AKR1A1: variants seen among roughly 807,000 people sequenced by gnomAD.
The protein encoded by AKR1A1 is aldo-keto reductase family 1 member A1.
In AKR1A1, 26 loss-of-function variants were observed where a neutral mutation model predicts 39.2. The observed-to-expected ratio is 0.66, with a 90% CI of 0.49 to 0.92. The LOEUF (loss-of-function observed/expected upper bound fraction) is 0.92. Among genes scored for constraint, AKR1A1 ranks in the 40% least tolerant of loss-of-function variants. The probability of loss-of-function intolerance (pLI) is 0.00; values close to 1 mark genes in which losing one functional copy is unlikely to be tolerated. For missense variants in AKR1A1, 378 were observed against 406.5 expected, an observed-to-expected ratio of 0.93 and a Z score of 0.60; for synonymous variants, 141 against 155.5, an observed-to-expected ratio of 0.91 and a Z score of 0.69.
chr1:45,564,637 T>C (rs1407084692), intron 2 of AKR1A1, among the ~76,000 whole-genome samples: 1 of 152,070 alleles, frequency 6.6e-6, no homozygotes, highest in Non-Finnish European at 1.5e-5. Flanking sequence ...CCAGAGTCTG[T>C]CTACACAACT....
chr1:45,561,712 T>G, intron 1 of AKR1A1, 77 bp from the exon 2 acceptor site: 1 of 1,444,870 alleles, frequency 6.9e-7, no homozygotes, highest in Non-Finnish European at 9.7e-7. Context: ...CGCTTTGCAG[T>G]ATTCTTGACA....
intron 2 of AKR1A1, among the ~76,000 whole-genome samples, chr1:45,562,546 G>C (rs1213514761): frequency 1.3e-5 from 2 of 149,204 alleles, no homozygotes; most frequent in African/African-American, 5.0e-5. Flanking sequence ...GTCTCACTCT[G>C]TTCCCCAGGC....
intron 1 of AKR1A1, among the ~76,000 whole-genome samples, chr1:45,551,759 A>T (rs1644134214): frequency 6.6e-6 from 1 of 152,222 alleles, no homozygotes; most frequent in Admixed American, 6.5e-5. Context: ...ATACAGGAGC[A>T]ATCTCAGTAT....
In AKR1A1 at chr1:45,568,654, A is replaced by G. The variant is rs1644377359; in HGVS notation, c.722A>G (p.Tyr241Cys). The G allele has an allele frequency of 4.3e-6, 7 of 1,613,732 alleles. No homozygotes were observed. Among genetic ancestry groups the G allele is most frequent in the Non-Finnish European group, 5.9e-6 (7 of 1,179,880 alleles). Residue 241 changes from tyrosine to cysteine, a missense_variant, in exon 6 of 9, where the codon TAT becomes TGT. By Grantham distance (194) the Tyr-to-Cys change is radical (BLOSUM62 -2). Coordinates refer to ENST00000351829, the MANE Select transcript of AKR1A1 (RefSeq NM_153326.3). Reference sequence around the variant, plus strand: ...GTAGTCCTGGCATTGGCTGAAAAGTATGGCCGATCTCCAGCTCAGATCTTG... The same window carrying G: ...GTAGTCCTGGCATTGGCTGAAAAGTGTGGCCGATCTCCAGCTCAGATCTTG... The part of the protein sequence containing the change: ...EPVVLALAEK[Y>C]GRSPAQILLR...
chr1:45,551,566 C>CA (rs1464269117), intron 1 of AKR1A1, among the ~76,000 whole-genome samples: 1 of 152,178 alleles, frequency 6.6e-6, no homozygotes, highest in Non-Finnish European at 1.5e-5. Flanking sequence ...CTTACTTAGA[C>CA]ACCTGCTTTG....
chr1:45,569,818 T>G, intron 8 of AKR1A1, 73 bp from the exon 9 acceptor site: 2 of 1,375,314 alleles, frequency 1.5e-6, no homozygotes, highest in South Asian at 2.3e-5. Flanking sequence ...TTAGGAAGAT[T>G]TGGGGAAGAT....
At position 45,569,189 on chromosome 1, in the gene AKR1A1, C is replaced by T; in HGVS notation, c.872C>T (p.Ala291Val). 6.2e-7 allele frequency: 1 copy of T among 1,614,118 alleles called. No homozygotes were observed. Among genetic ancestry groups the T allele is most frequent in the Non-Finnish European group, 8.5e-7 (1 of 1,180,000 alleles). ...FSPEEMKQLN[A>V]LNKNWRYIVP... ...CCAGAAGAGATGAAGCAGCTAAATG[C>T]CCTGAACAAAAATTGGAGATATATT... The change falls in exon 8 of 9, where the codon GCC becomes GTC. Residue 291 changes from alanine to valine, a missense_variant. Coordinates refer to ENST00000351829, the MANE Select transcript of AKR1A1 (RefSeq NM_153326.3).
chr1:45,564,396 T>G (rs1644314071), intron 2 of AKR1A1, among the ~76,000 whole-genome samples: 1 of 152,158 alleles, frequency 6.6e-6, no homozygotes, highest in African/African-American at 2.4e-5. Flanking sequence ...GCTTTGTGTC[T>G]AGGGCCGGGT....
rs147059021 is a variant in AKR1A1 at position 45,568,099 on chromosome 1, G to A, written c.474G>A (p.Ala158=). The A allele has an allele frequency of 8.9e-5, 143 of 1,614,086 alleles. No individual in the cohort carries two copies. The African/African-American group carries it at 1.4e-3, about 15-fold the overall frequency. The change falls in exon 5 of 9, where the codon GCG becomes GCA. Residue 158 remains alanine, a synonymous_variant. Transcript: ENST00000351829. ...TGGTGGCTAAGGGGCTGGTGCAGGC[G>A]CTGGGCCTGTCCAACTTCAACAGTC... ...EALVAKGLVQ[A]LGLSNFNSRQ...
At chr1:45,558,034 C>G (rs959457593) in intron 1 of AKR1A1, among the ~76,000 whole-genome samples, 6 of 150,276 alleles carry the variant, frequency 4.0e-5, no homozygotes, top group African/African-American at 1.5e-4. Context: ...CTCAGCCACC[C>G]GAGTAGCTGG....
At chr1:45,554,854 C>T (rs948811869) in intron 1 of AKR1A1, among the ~76,000 whole-genome samples, 14 of 152,054 alleles carry the variant, frequency 9.2e-5, no homozygotes, top group Non-Finnish European at 2.1e-4. Flanking sequence ...CTATGCCTGG[C>T]TAATTTTCAT....
At chr1:45,565,727 T>C (rs1258264135) in intron 2 of AKR1A1, among the ~76,000 whole-genome samples, 1 of 151,096 alleles carries the variant, frequency 6.6e-6, no homozygotes, top group Non-Finnish European at 1.5e-5. Flanking sequence ...CACCTGCCTC[T>C]TCTTCCCAAA....
In AKR1A1 at chr1:45,555,977, C is replaced by T. The variant is rs190021061; in HGVS notation, c.-7+4822C>T. Among the ~76,000 whole-genome samples the T allele has an allele frequency of 2.6e-5, 4 of 152,228 alleles. No homozygotes were observed. In the East Asian group the frequency reaches 7.7e-4, roughly 29 times the overall value. On this transcript the variant is annotated intron_variant, in intron 1 of 8. Coordinates refer to ENST00000351829, the MANE Select transcript of AKR1A1 (RefSeq NM_153326.3). ...CTAAGGCGATAACCGAAGACATGAACTCAACTAGGGAATGAGAAGATTGAG... is the reference window on the plus strand; with the variant it reads ...CTAAGGCGATAACCGAAGACATGAATTCAACTAGGGAATGAGAAGATTGAG...
At chr1:45,567,767 C>T in intron 4 of AKR1A1, 1 of 408,928 alleles carries the variant, frequency 2.4e-6, no homozygotes, top group Non-Finnish European at 4.4e-6. Context: ...GTGGAGCTTG[C>T]AGTGAGCTGA....
At chr1:45,559,634 C>CTTTTTTTTTTTTT (rs71056306) in intron 1 of AKR1A1, among the ~76,000 whole-genome samples, 4 of 73,128 alleles carry the variant, frequency 5.5e-5, no homozygotes, top group South Asian at 6.4e-4. Context: ...CTTTTCTTTT[C>CTTTTTTTTTTTTT]TTTTTTTTTT....
intron 5 of AKR1A1, 55 bp downstream of exon 5, chr1:45,568,232 G>T (rs1318941450): frequency 6.5e-7 from 1 of 1,538,480 alleles, no homozygotes; most frequent in East Asian, 2.4e-5. Flanking sequence ...AGAGCATGAG[G>T]GAGCAGACGA....
At chr1:45,567,712 A>T (rs1171650159) in intron 4 of AKR1A1, 2 of 264,608 alleles carry the variant, frequency 7.6e-6, no homozygotes, top group East Asian at 1.6e-4. Flanking sequence ...CTGTAGTCCC[A>T]GCTACTGGGG....
At chr1:45,565,448 T>A (rs866160231) in intron 2 of AKR1A1, among the ~76,000 whole-genome samples, 3 of 149,940 alleles carry the variant, frequency 2.0e-5, no homozygotes, top group South Asian at 2.1e-4. Flanking sequence ...AAAAAAAAAA[T>A]TTGTTTTCAA....
rs1430666313 is a variant in AKR1A1, at chr1:45,561,875, T to G, written c.81T>G (p.Gly27=). The G allele has an allele frequency of 6.2e-7, 1 of 1,613,998 alleles. No individual in the cohort carries two copies. Among genetic ancestry groups the G allele is most frequent in the Non-Finnish European group, 8.5e-7 (1 of 1,179,948 alleles). The change falls in exon 2 of 9, where the codon GGT becomes GGG. Residue 27 remains glycine, a synonymous_variant. Transcript: ENST00000351829. ...IGLGTWKSEP[G]QVKAAVKYAL... is the part of the protein sequence containing the mutation. ...TGGGTACCTGGAAGAGTGAGCCTGG[T>G]CAGGTGAGGGATGGGGGAAGAAAAA...
Sources: gnomAD v4.1 joint callset for allele counts (sites outside exome capture counted in the v4.1 genomes callset) on GRCh38, gnomAD v4.1.1 for gene constraint, MANE v1.5 for transcripts, NCBI Gene and HGNC (gene_info 2026-07-23, HGNC 2026-07-21) for gene names.